Variants in METTL15 observed in about 807,000 individuals in gnomAD.
METTL15 encodes methyltransferase 15, mitochondrial 12S rRNA N4-cytidine.
Under a neutral mutation model 38.3 loss-of-function variants are expected in METTL15, and 34 were observed. The observed-to-expected ratio is 0.89, with a 90% CI of 0.68 to 1.18. METTL15 has a LOEUF of 1.18. METTL15 is among the 50% of genes most tolerant of loss of function. The probability of loss-of-function intolerance (pLI) is 0.00; values close to 1 mark genes in which losing one functional copy is unlikely to be tolerated. For missense variants in METTL15, 438 were observed against 498.4 expected, an observed-to-expected ratio of 0.88 and a Z score of 1.15; for synonymous variants, 162 against 170.9, an observed-to-expected ratio of 0.95 and a Z score of 0.41.
chr11:28,485,426 A>T (rs897748850), intron 6 of METTL15, among the ~76,000 whole-genome samples: 1 of 152,188 alleles, frequency 6.6e-6, no homozygotes. Context: ...GCGACTCAGC[A>T]TTAAGAACAT....
At chr11:28,399,611 A>G (rs760871159) in intron 5 of METTL15, among the ~76,000 whole-genome samples, 5 of 151,856 alleles carry the variant, frequency 3.3e-5, no homozygotes, top group Non-Finnish European at 5.9e-5. Flanking sequence ...AGTGACATAT[A>G]CACACCTTAT....
intron 4 of METTL15, among the ~76,000 whole-genome samples, chr11:28,263,899 T>G (rs1369282135): frequency 6.6e-6 from 1 of 152,066 alleles, no homozygotes; most frequent in Admixed American, 6.6e-5. Context: ...TAACTTATTA[T>G]CCTCCCAAGA....
At chr11:28,135,225 G>A (rs1265677672) in intron 3 of METTL15, among the ~76,000 whole-genome samples, 1 of 152,052 alleles carries the variant, frequency 6.6e-6, no homozygotes, top group Non-Finnish European at 1.5e-5. Context: ...TGAGTTGTTG[G>A]CAAAATAAAC....
intron 4 of METTL15, among the ~76,000 whole-genome samples, chr11:28,283,584 A>G (rs116674884): frequency 8.7e-4 from 132 of 152,322 alleles, no homozygotes; most frequent in Middle Eastern, 6.8e-3. Context: ...GATATATACT[A>G]GAGCACCTTA....
chr11:28,192,929 T>G (rs1851751886), intron 3 of METTL15, among the ~76,000 whole-genome samples: 1 of 152,158 alleles, frequency 6.6e-6, no homozygotes, highest in East Asian at 1.9e-4. Flanking sequence ...TTGTTGACTT[T>G]ATGTGTGTAG....
chr11:28,488,368 A>G (rs1403900171), intron 6 of METTL15, among the ~76,000 whole-genome samples: 3 of 152,116 alleles, frequency 2.0e-5, no homozygotes, highest in African/African-American at 4.8e-5. Context: ...ATTTAAAACC[A>G]TTTCTGTGTT....
intron 3 of METTL15, among the ~76,000 whole-genome samples, chr11:28,194,122 A>ATTCTTTCTTTCTT (rs370908175): frequency 8.1e-5 from 8 of 99,078 alleles, no homozygotes; most frequent in Non-Finnish European, 1.6e-4. Context: ...TTGATGGTTG[A>ATTCTTTCTTTCTT]TCTTTCTTTC....
intron 6 of METTL15, among the ~76,000 whole-genome samples, chr11:28,329,793 T>C (rs1849753894): frequency 6.6e-6 from 1 of 152,176 alleles, no homozygotes; most frequent in East Asian, 1.9e-4. Context: ...TTATTTATTT[T>C]AAAATGTCTT....
At chr11:28,416,232 G>C (rs1384695341) in intron 5 of METTL15, among the ~76,000 whole-genome samples, 2 of 152,196 alleles carry the variant, frequency 1.3e-5, no homozygotes, top group Non-Finnish European at 2.9e-5. Flanking sequence ...TGTGTGTGCA[G>C]ACTATAGCCC....
At chr11:28,210,609 T>G (rs1301120402) in intron 3 of METTL15, among the ~76,000 whole-genome samples, 4 of 151,968 alleles carry the variant, frequency 2.6e-5, no homozygotes, top group African/African-American at 9.7e-5. Flanking sequence ...ATGTTTATTC[T>G]CTCTCTCTGT....
intron 5 of METTL15, among the ~76,000 whole-genome samples, chr11:28,392,169 T>G (rs1265159001): frequency 1.3e-5 from 2 of 152,056 alleles, no homozygotes; most frequent in Admixed American, 6.6e-5. Context: ...GAACAGACAC[T>G]TCTCAAAAGA....
chr11:28,258,701 C>A (rs1018882162), intron 4 of METTL15, among the ~76,000 whole-genome samples: 6 of 152,134 alleles, frequency 3.9e-5, no homozygotes, highest in African/African-American at 1.2e-4. Context: ...GCTGATATTC[C>A]CTTAAGGTAC....
At chr11:28,321,306 C>T (rs1205367825) in intron 6 of METTL15, among the ~76,000 whole-genome samples, 1 of 152,048 alleles carries the variant, frequency 6.6e-6, no homozygotes, top group Non-Finnish European at 1.5e-5. Context: ...GTGTTTTACC[C>T]CACATCAAAT....
intron 6 of METTL15, among the ~76,000 whole-genome samples, chr11:28,311,136 T>C (rs2134026611): frequency 6.6e-6 from 1 of 152,248 alleles, no homozygotes; most frequent in East Asian, 1.9e-4. Context: ...ATGGCAGGCT[T>C]TATACAGTCA....
intron 6 of METTL15, among the ~76,000 whole-genome samples, chr11:28,481,193 G>C (rs906270220): frequency 2.6e-5 from 4 of 152,050 alleles, no homozygotes; most frequent in African/African-American, 9.7e-5. Context: ...CTGAACTTCA[G>C]AAAAATTTAT....
At chr11:28,465,594 G>T (rs992280339) in intron 6 of METTL15, among the ~76,000 whole-genome samples, 1 of 152,080 alleles carries the variant, frequency 6.6e-6, no homozygotes, top group African/African-American at 2.4e-5. Flanking sequence ...AGTGAATGGA[G>T]CCACCAGTTA....
chr11:28,228,671 G>C (rs1853574639), intron 4 of METTL15, among the ~76,000 whole-genome samples: 2 of 151,706 alleles, frequency 1.3e-5, no homozygotes, highest in Non-Finnish European at 2.9e-5. Flanking sequence ...GAAGTGTCTT[G>C]ATCAAAATTT....
chr11:28,501,353 C>G (rs981176992), intron 6 of METTL15, among the ~76,000 whole-genome samples: 1 of 152,120 alleles, frequency 6.6e-6, no homozygotes, highest in Admixed American at 6.6e-5. Flanking sequence ...CTACCCAATG[C>G]GAAACATGGC....
intron 6 of METTL15, 74 bp downstream of exon 6, chr11:28,297,005 G>C: frequency 2.1e-6 from 3 of 1,446,874 alleles, no homozygotes; most frequent in Non-Finnish European, 2.9e-6. Context: ...TTGTGTGCAT[G>C]CACGCATGCA....
Sources: allele counts gnomAD v4.1 joint callset (sites outside exome capture counted in the v4.1 genomes callset), GRCh38; gene constraint gnomAD v4.1.1; transcripts MANE v1.5; gene names NCBI Gene and HGNC (gene_info 2026-07-23, HGNC 2026-07-21).